TEPSIN: variants seen among roughly 807,000 people sequenced by gnomAD.
The protein encoded by TEPSIN is AP-4 complex accessory subunit tepsin.
A neutral mutation model predicts 48.5 loss-of-function variants in TEPSIN; 50 were observed. That is an observed-to-expected ratio of 1.03 (90% CI 0.82 to 1.31). The LOEUF (loss-of-function observed/expected upper bound fraction) is 1.31. Among genes scored for constraint, TEPSIN ranks in the 50% most tolerant of loss-of-function variants. The probability of loss-of-function intolerance (pLI) is 0.00; values close to 1 mark genes in which losing one functional copy is unlikely to be tolerated. For synonymous variants in TEPSIN, 392 were observed against 358.8 expected, an observed-to-expected ratio of 1.09 and a Z score of -1.05; for missense variants, 838 against 815.9, an observed-to-expected ratio of 1.03 and a Z score of -0.33.
chr17:81,237,183 G>A, intron 2 of TEPSIN, 112 bp from the exon 3 acceptor site: 1 of 1,265,304 alleles, frequency 7.9e-7, no homozygotes, highest in South Asian at 1.3e-5. Context: ...GCCTACTGGA[G>A]GCTCTGCCAT....
In TEPSIN at chr17:81,230,628, C is replaced by A; in HGVS notation, c.1149G>T (p.Gln383His). 1 of 1,599,596 alleles carries A rather than the reference C, an allele frequency of 6.3e-7. No homozygotes were observed. The highest frequency in any genetic ancestry group is 2.3e-5 in the East Asian group (1 of 44,180). The change falls in exon 12 of 13, where the codon CAG (glutamine) becomes CAT (histidine). Residue 383 changes from glutamine to histidine, a missense_variant. By Grantham distance (24) the Gln-to-His change is conservative (BLOSUM62 0). Coordinates refer to ENST00000637944, the MANE Select transcript of TEPSIN (RefSeq NM_001363764.2). The surrounding 1 kb of genome is among the most constrained non-coding windows in gnomAD (Gnocchi z 4.2). ...GCCGGGTGCGGAGGAGGATGTGCTC[C>A]TGGGGGAGGAGGTCGCTGCTCCCCA... ...ASLGSSDLLPQEHILLRTRPW... is the reference protein window; with the variant it reads ...ASLGSSDLLPHEHILLRTRPW...
At chr17:81,237,823 C>A in intron 1 of TEPSIN, 1 of 380,412 alleles carries the variant, frequency 2.6e-6, no homozygotes, top group Non-Finnish European at 3.9e-6. Flanking sequence ...CAAACAAGGC[C>A]CAGGCAAGCC....
Position 81,228,827 on chromosome 17 carries a change from G to C in TEPSIN, c.*101C>G, listed in dbSNP as rs2062518938. 2.8e-6 allele frequency: 4 copies of C among 1,449,668 alleles called. No homozygotes were observed. The highest frequency in any genetic ancestry group is 1.4e-5 in the African/African-American group (1 of 70,062). 89.8% of individuals were successfully genotyped at this position (1,449,668 alleles called of 1,614,324 possible). On this transcript the variant is annotated 3_prime_UTR_variant, in exon 13 of 13. Transcript: ENST00000637944. ...CCCTAGGGTCGTCCTCTCAAGTCAAGCTGCCTGGAGACTGTAGCAGCTACG... is the reference window on the plus strand; with the variant it reads ...CCCTAGGGTCGTCCTCTCAAGTCAACCTGCCTGGAGACTGTAGCAGCTACG...
rs2062562997 is a variant in TEPSIN, at chr17:81,230,272, A to C, written c.1233+272T>G. ...GTGAGGCCAAGACACAAGGGCAGGA[A>C]CATTAAGGCAGCGGAGTCTGGGGGC... is the stretch of plus-strand genomic sequence containing the variant. On this transcript the variant is annotated intron_variant, in intron 12 of 12. Transcript: ENST00000637944. The surrounding 1 kb of genome is among the most constrained non-coding windows in gnomAD (Gnocchi z 4.2). 4.2e-6 allele frequency: 2 copies of C among 477,084 alleles called. No homozygotes were observed. The highest frequency in any genetic ancestry group is 7.5e-6 in the Non-Finnish European group (2 of 267,010). 29.6% of individuals were successfully genotyped at this position (477,084 alleles called of 1,614,324 possible).
rs1172246013 is a variant in TEPSIN, at chr17:81,232,476, G to A, written c.569C>T (p.Ala190Val). ...GCGCATGGCGCTGGCCACCACCTCT[G>A]CGGCCTTCTGGATGGTGGAGAGGAA... ...EAFLSTIQKA[A>V]EVVASAMRPG... Residue 190 changes from alanine to valine, a missense_variant, in exon 8 of 13, where the codon GCA becomes GTA. Ala to Val is a moderately conservative substitution (Grantham distance 64). Coordinates refer to ENST00000637944, the MANE Select transcript of TEPSIN (RefSeq NM_001363764.2). 1.3e-6 allele frequency: 2 copies of A among 1,535,128 alleles called. No homozygotes were observed. Among genetic ancestry groups the A allele is most frequent in the Non-Finnish European group, 8.7e-7 (1 of 1,146,548 alleles).
Position 81,230,823 on chromosome 17 carries a change from C to T in TEPSIN, c.1099-145G>A. On this transcript the variant is annotated intron_variant, in intron 11 of 12. Transcript: ENST00000637944. The surrounding 1 kb of genome is among the most constrained non-coding windows in gnomAD (Gnocchi z 4.2). Reference sequence around the variant, plus strand: ...CCCCAGAGACAGCTCCACCACAGCCCTGTCCTCACCGCCTTACACCCCGGA... The same window carrying T: ...CCCCAGAGACAGCTCCACCACAGCCTTGTCCTCACCGCCTTACACCCCGGA... 9.4e-7 allele frequency: 1 copy of T among 1,059,062 alleles called. No individual in the cohort carries two copies. The highest frequency in any genetic ancestry group is 1.3e-6 in the Non-Finnish European group (1 of 764,116). 65.6% of individuals were successfully genotyped at this position (1,059,062 alleles called of 1,614,324 possible).
At chr17:81,238,745 G>A in intron 1 of TEPSIN, 1 of 1,276,068 alleles carries the variant, frequency 7.8e-7, no homozygotes, top group East Asian at 3.2e-5. Flanking sequence ...GTTCCCCCAG[G>A]GTCTGGCTGT....
chr17:81,229,055 C>T lies in TEPSIN; in HGVS notation c.1655G>A (p.Gly552Glu). 1 of 1,613,482 alleles carries T rather than the reference C, an allele frequency of 6.2e-7. No individual in the cohort carries two copies. The highest frequency in any genetic ancestry group is 8.5e-7 in the Non-Finnish European group (1 of 1,179,960). Residue 552 changes from glycine to glutamate, a missense_variant, in exon 13 of 13, where the codon GGG becomes GAG. Coordinates refer to ENST00000637944, the MANE Select transcript of TEPSIN (RefSeq NM_001363764.2). ...MELVACPRLV[G>E]AGAAAGESCP... ...GGACTCTCCCGCAGCAGCCCCAGCC[C>T]CCACCAGGCGGGGACAGGCCACCAG...
In TEPSIN at chr17:81,233,687, G is replaced by A. The variant is rs763541858; in HGVS notation, c.405C>T (p.Thr135=). 27 of 1,600,310 alleles carry A rather than the reference G, an allele frequency of 1.7e-5. No homozygotes were observed. In the Admixed American group the frequency reaches 2.3e-4, roughly 14 times the overall value. ...QDLGSTLFSD[T]VLPLAPSQPL... is the part of the protein sequence containing the mutation. ...GCTGGGAGGGAGCCAGCGGCAACAC[G>A]GTGTCCGAGAACAGGGTGCTCCCCA... The change falls in exon 6 of 13, where the codon ACC becomes ACT. Residue 135 remains threonine (T), a synonymous_variant. Coordinates refer to ENST00000637944, the MANE Select transcript of TEPSIN (RefSeq NM_001363764.2). This position sits in a 1 kb window ranked among gnomAD's most constrained non-coding sequence, Gnocchi z 5.8.
In TEPSIN at chr17:81,233,100, G is replaced by A. The variant is rs530461763; in HGVS notation, c.526+332C>T. Reference sequence around the variant, plus strand: ...GCCCCACCTCATAACAGCTCCACACGGGACTGCCTGAGTCACCTGCACCAC... The same window carrying A: ...GCCCCACCTCATAACAGCTCCACACAGGACTGCCTGAGTCACCTGCACCAC... On this transcript the variant is annotated intron_variant, in intron 7 of 12. Transcript: ENST00000637944. The surrounding 1 kb of genome is among the most constrained non-coding windows in gnomAD (Gnocchi z 5.8). 1.6e-4 allele frequency: 67 copies of A among 430,028 alleles called. 1 individual carries two copies. In the South Asian group the frequency reaches 2.0e-3, roughly 13 times the overall value. 26.6% of individuals were successfully genotyped at this position (430,028 alleles called of 1,614,324 possible).
intron 9 of TEPSIN, 21 bp from the exon 10 acceptor site, chr17:81,231,712 G>A (rs1208615596): frequency 6.2e-7 from 1 of 1,610,510 alleles, no homozygotes; most frequent in Non-Finnish European, 8.5e-7. Flanking sequence ...GAATGGCCGG[G>A]TCAAGGGTGA....
rs1301862189 is a variant in TEPSIN at position 81,231,985 on chromosome 17, C to T, written c.767G>A (p.Trp256Ter). The part of the protein sequence containing the change: ...RHQPGQAGGG[W>*]DELDSGPSSQ... The stretch of plus-strand genomic sequence containing the variant: ...GCTGGGGCCGCTGTCCAGCTCATCC[C>T]AGCCCCCTCCGGCCTGCCCAGGCTG... Residue 256 changes from tryptophan to a stop codon, truncating the protein, a stop_gained, in exon 9 of 13, where the codon TGG becomes TAG. Transcript: ENST00000637944. LOFTEE classifies it high-confidence loss of function. 1 of 1,612,182 alleles carries T rather than the reference C, an allele frequency of 6.2e-7. No homozygotes were observed.
chr17:81,235,247 C>A (rs151278659), intron 4 of TEPSIN, among the ~76,000 whole-genome samples: 1 of 152,348 alleles, frequency 6.6e-6, no homozygotes, highest in East Asian at 1.9e-4. Flanking sequence ...GGGTGCCTCT[C>A]AGGTTTTAAC....
At chr17:81,237,268 C>T in intron 2 of TEPSIN, 119 bp downstream of exon 2, 1 of 1,310,690 alleles carries the variant, frequency 7.6e-7, no homozygotes, top group South Asian at 1.3e-5. Context: ...TGCCTGGTTA[C>T]AATAATAAAG....
rs58395855 is a variant in TEPSIN, at chr17:81,234,262, ACTCT to A, written c.308-218_308-215del. ...CTCACCCATGCCCCACAGAGGCGAG[ACTCT>A]CTCCACAGCAACCACCTCGTCTCCC... On this transcript the variant is annotated intron_variant, in intron 4 of 12. Coordinates refer to ENST00000637944, the MANE Select transcript of TEPSIN (RefSeq NM_001363764.2). This position sits in a 1 kb window ranked among gnomAD's most constrained non-coding sequence, Gnocchi z 5.4. The A allele has an allele frequency of 1.4e-5, 6 of 430,010 alleles. No individual in the cohort carries two copies. Among genetic ancestry groups the A allele is most frequent in the East Asian group, 1.1e-4 (3 of 27,550 alleles). The allele number at this position is 430,010 out of a possible 1,614,324, so 26.6% of individuals were successfully genotyped here. A position where few individuals can be genotyped will look rare whatever the true frequency, so the allele number is the denominator to read the frequency against.
chr17:81,232,939 G>A (rs989726416), intron 7 of TEPSIN: 2 of 235,716 alleles, frequency 8.5e-6, no homozygotes, highest in Admixed American at 5.2e-5. Flanking sequence ...GCGTGACACA[G>A]CCTAACGGTG....
chr17:81,231,402 T>C lies in TEPSIN; in HGVS notation c.1094A>G (p.Gln365Arg), dbSNP rs1322947522. Residue 365 changes from glutamine to arginine, a missense_variant, in exon 11 of 13, where the codon CAG (glutamine) becomes CGG (arginine). Gln to Arg is a conservative substitution (Grantham distance 43, BLOSUM62 1). Transcript: ENST00000637944. ...CHLRGTSECT[Q>R]LRALCAIASL... is the part of the protein sequence containing the mutation. ...CCGCCCGCGTGTGCAGCTCACCAGC[T>C]GCGTGCATTCACTGGTCCCACGCAG... 2 of 1,550,200 alleles carry C rather than the reference T, an allele frequency of 1.3e-6. No homozygotes were observed. The highest frequency in any genetic ancestry group is 1.7e-6 in the Non-Finnish European group (2 of 1,147,280).
Position 81,228,809 on chromosome 17 carries a change from G to T in TEPSIN, c.*119C>A. The T allele has an allele frequency of 8.0e-7, 1 of 1,255,938 alleles. No individual in the cohort carries two copies. Among genetic ancestry groups the T allele is most frequent in the Non-Finnish European group, 1.1e-6 (1 of 897,276 alleles). 77.8% of individuals were successfully genotyped at this position (1,255,938 alleles called of 1,614,324 possible). The stretch of plus-strand genomic sequence containing the variant: ...TGGGGGAAACTGAGGTAGCCCTAGG[G>T]TCGTCCTCTCAAGTCAAGCTGCCTG... On this transcript the variant is annotated 3_prime_UTR_variant, in exon 13 of 13. Coordinates refer to ENST00000637944, the MANE Select transcript of TEPSIN (RefSeq NM_001363764.2).
intron 11 of TEPSIN, chr17:81,231,018 C>G (rs780860494): frequency 4.1e-6 from 2 of 482,120 alleles, no homozygotes; most frequent in Non-Finnish European, 7.3e-6. Flanking sequence ...GATTGCCTTA[C>G]CTTCATTCCT....
Sources: allele counts gnomAD v4.1 joint callset (sites outside exome capture counted in the v4.1 genomes callset), GRCh38; gene constraint gnomAD v4.1.1; non-coding constraint Gnocchi (gnomAD v3.1); transcripts MANE v1.5; gene names NCBI Gene and HGNC (gene_info 2026-07-23, HGNC 2026-07-21).